The following MCUB variants were observed in gnomAD, a reference collection of about 807,000 sequenced individuals.
MCUB encodes the protein calcium uniporter regulatory subunit MCUb, mitochondrial.
In MCUB, 46 loss-of-function variants were observed where a neutral mutation model predicts 41.4. The ratio of observed to expected loss-of-function variants is 1.11; its 90% CI spans 0.88 to 1.42. The LOEUF is 1.42. MCUB is among the 40% of genes most tolerant of loss of function. The pLI is 0.00. For synonymous variants in MCUB, 148 were observed against 148.2 expected (o/e 1.00, Z 0.01); for missense variants, 403 against 404.9 (o/e 1.00, Z 0.04).
Position 109,684,428 on chromosome 4 carries a change from T to A in MCUB, c.613-15T>A. ...TATTTGTAAACAGAATTAACAGTTT[T>A]TCATTCCCCCTCAGGTGAAAGCTGG... On this transcript the variant is annotated splice_polypyrimidine_tract_variant and intron_variant, in intron 5 of 7. Transcript: ENST00000394650. The A allele has an allele frequency of 6.3e-7, 1 of 1,588,592 alleles. No homozygotes were observed. The highest frequency in any genetic ancestry group is 2.2e-5 in the East Asian group (1 of 44,608).
chr4:109,675,329 C>G (rs1729548333), intron 4 of MCUB, among the ~76,000 whole-genome samples: 1 of 152,196 alleles, frequency 6.6e-6, no homozygotes, highest in African/African-American at 2.4e-5. Context: ...TCCTCGGAAC[C>G]CTCTTCTCAA....
chr4:109,621,681 A>G (rs997186639), intron 1 of MCUB, among the ~76,000 whole-genome samples: 13 of 152,200 alleles, frequency 8.5e-5, no homozygotes, highest in African/African-American at 3.1e-4. Flanking sequence ...ACTGTAATAA[A>G]ATAAGGGGCA....
At chr4:109,612,976 G>T (rs529412207) in intron 1 of MCUB, among the ~76,000 whole-genome samples, 8 of 152,124 alleles carry the variant, frequency 5.3e-5, no homozygotes, top group African/African-American at 1.9e-4. Flanking sequence ...TGTGGTGGCG[G>T]GCGTCTGTAG....
chr4:109,673,714 G>A (rs1579094572), intron 4 of MCUB: 3 of 483,486 alleles, frequency 6.2e-6, no homozygotes, highest in Non-Finnish European at 1.1e-5. Flanking sequence ...AAAATTTGGG[G>A]TATGAAAATT....
intron 4 of MCUB, among the ~76,000 whole-genome samples, chr4:109,665,102 C>T (rs1372282772): frequency 1.3e-5 from 2 of 152,162 alleles, no homozygotes; most frequent in African/African-American, 2.4e-5. Flanking sequence ...AACACACTGA[C>T]ACATCATTGT....
At chr4:109,652,652 A>G (rs1423408671) in intron 1 of MCUB, among the ~76,000 whole-genome samples, 1 of 152,130 alleles carries the variant, frequency 6.6e-6, no homozygotes, top group Non-Finnish European at 1.5e-5. Context: ...CAATCCATTT[A>G]TGAAGGTGGA....
chr4:109,669,692 G>A (rs1729414442), intron 4 of MCUB, among the ~76,000 whole-genome samples: 1 of 143,754 alleles, frequency 7.0e-6, no homozygotes, highest in South Asian at 2.2e-4. Flanking sequence ...TAGATGTTCT[G>A]TTCTGGTTTT....
At chr4:109,665,153 G>A (rs1192306175) in intron 4 of MCUB, among the ~76,000 whole-genome samples, 1 of 152,138 alleles carries the variant, frequency 6.6e-6, no homozygotes, top group African/African-American at 2.4e-5. Flanking sequence ...TACTCTTGGT[G>A]TTGTATATTC....
intron 1 of MCUB, among the ~76,000 whole-genome samples, chr4:109,637,897 A>G (rs1728630030): frequency 6.6e-6 from 1 of 152,246 alleles, no homozygotes; most frequent in Non-Finnish European, 1.5e-5. Flanking sequence ...TTGAAATAAA[A>G]TATAATTAAG....
rs148823899 is a variant in MCUB at position 109,662,975 on chromosome 4, A to G, written c.347-1315A>G. Among the ~76,000 whole-genome samples the G allele has an allele frequency of 3.9e-3, 592 of 152,328 alleles. 4 individuals are homozygous for G. The highest frequency in any genetic ancestry group is 0.013 in the African/African-American group (540 of 41,562). On this transcript the variant is annotated intron_variant, in intron 3 of 7. Transcript: ENST00000394650. ...AAAATGATCTCACTGCAACTGATGA[A>G]CAGCAACCCAAACAGCCAAATTCTA...
intron 1 of MCUB, among the ~76,000 whole-genome samples, chr4:109,644,667 A>G (rs1728793180): frequency 6.6e-6 from 1 of 152,232 alleles, no homozygotes; most frequent in African/African-American, 2.4e-5. Context: ...CAATAACGCT[A>G]TCATCTAAAT....
At chr4:109,630,688 TCTC>T (rs983061349) in intron 1 of MCUB, among the ~76,000 whole-genome samples, 18 of 152,226 alleles carry the variant, frequency 1.2e-4, no homozygotes, top group Admixed American at 4.6e-4. Flanking sequence ...TTCAAGCAAT[TCTC>T]CTGTCTGAGC....
At chr4:109,636,389 G>T (rs1579076285) in intron 1 of MCUB, among the ~76,000 whole-genome samples, 1 of 152,172 alleles carries the variant, frequency 6.6e-6, no homozygotes, top group Non-Finnish European at 1.5e-5. Context: ...ATTGCCTAAG[G>T]ACACTGCTTA....
At chr4:109,671,744 A>G (rs1432444556) in intron 4 of MCUB, among the ~76,000 whole-genome samples, 1 of 152,150 alleles carries the variant, frequency 6.6e-6, no homozygotes, top group Non-Finnish European at 1.5e-5. Context: ...TGTCTCTTCA[A>G]ACTGTGGTTG....
At chr4:109,574,220 A>G (rs1010651999) in intron 1 of MCUB, among the ~76,000 whole-genome samples, 2 of 152,206 alleles carry the variant, frequency 1.3e-5, no homozygotes, top group African/African-American at 4.8e-5. Flanking sequence ...GCATTCAAAT[A>G]TCTGAGATGG....
chr4:109,579,277 G>A lies in MCUB; in HGVS notation c.99+18841G>A, dbSNP rs560330860. Among the ~76,000 whole-genome samples the A allele has an allele frequency of 1.3e-4, 19 of 150,800 alleles. No homozygotes were observed. The South Asian group carries it at 3.6e-3, about 28-fold the overall frequency. ...TCACTTTTTTTTTTTTTGAGACGGA[G>A]TCTCGCTCTGTCACCAGGCTGGAGT... On this transcript the variant is annotated intron_variant, in intron 1 of 7. Coordinates refer to ENST00000394650, the MANE Select transcript of MCUB (RefSeq NM_017918.5).
intron 1 of MCUB, among the ~76,000 whole-genome samples, chr4:109,639,451 A>G (rs1415861147): frequency 6.6e-6 from 1 of 151,750 alleles, no homozygotes; most frequent in East Asian, 1.9e-4. Context: ...GCACTTTGGG[A>G]GGCCGAGACG....
intron 4 of MCUB, among the ~76,000 whole-genome samples, chr4:109,665,895 A>C (rs1035980179): frequency 3.9e-5 from 6 of 151,966 alleles, no homozygotes; most frequent in African/African-American, 1.2e-4. Flanking sequence ...GAAAGGGGGT[A>C]CAACAGGGAA....
At chr4:109,616,509 C>A (rs1201186647) in intron 1 of MCUB, among the ~76,000 whole-genome samples, 1 of 152,128 alleles carries the variant, frequency 6.6e-6, no homozygotes, top group Non-Finnish European at 1.5e-5. Context: ...ATCTTGTCAT[C>A]CTCCCCTTTC....
Sources: gnomAD v4.1 joint callset for allele counts (sites outside exome capture counted in the v4.1 genomes callset) on GRCh38, gnomAD v4.1.1 for gene constraint, MANE v1.5 for transcripts, NCBI Gene and HGNC (gene_info 2026-07-23, HGNC 2026-07-21) for gene names.